The following GLDN variants were observed in gnomAD, a reference collection of about 807,000 sequenced individuals.
GLDN encodes gliomedin, also known as collomin.
A neutral mutation model predicts 56.5 loss-of-function variants in GLDN; 47 were observed. The ratio of observed to expected loss-of-function variants is 0.83; its 90% CI spans 0.66 to 1.06. The LOEUF is 1.06. Among genes scored for constraint, GLDN ranks in the 50% least tolerant of loss-of-function variants. GLDN has a pLI of 0.00. For missense variants in GLDN, 782 were observed against 714.3 expected, an observed-to-expected ratio of 1.09 and a Z score of -1.08; for synonymous variants, 332 against 278.8, an observed-to-expected ratio of 1.19 and a Z score of -1.90.
Position 51,397,470 on chromosome 15 carries a change from G to T in GLDN, c.689G>T (p.Gly230Val). 6.7e-7 allele frequency: 1 copy of T among 1,492,492 alleles called. No homozygotes were observed. The highest frequency in any genetic ancestry group is 9.0e-7 in the Non-Finnish European group (1 of 1,115,334). 92.5% of individuals were successfully genotyped at this position (1,492,492 alleles called of 1,614,324 possible). Residue 230 changes from glycine to valine, a missense_variant and splice_region_variant, in exon 6 of 10, where the codon GGT (glycine) becomes GTT (valine). Transcript: ENST00000335449. ...GDVSNDVLLA[G>V]AKGDQGPPGP... is the part of the protein sequence containing the mutation. ...TCCCTTTCTCTCTCTCTCTCTCCAGGTGCCAAAGGTGACCAAGGCCCACCC... is the reference window on the plus strand; with the variant it reads ...TCCCTTTCTCTCTCTCTCTCTCCAGTTGCCAAAGGTGACCAAGGCCCACCC...
At chr15:51,344,495 A>C (rs1010158911) in intron 1 of GLDN, among the ~76,000 whole-genome samples, 1 of 152,190 alleles carries the variant, frequency 6.6e-6, no homozygotes, top group Non-Finnish European at 1.5e-5. Context: ...TTTATAAAAA[A>C]CATCATTTGG....
In GLDN at chr15:51,401,729, T is replaced by C. The variant is rs1432581337; in HGVS notation, c.1164T>C (p.Ser388=). The C allele has an allele frequency of 6.2e-7, 1 of 1,613,848 alleles. No individual in the cohort carries two copies. The highest frequency in any genetic ancestry group is 2.2e-5 in the East Asian group (1 of 44,884). The stretch of plus-strand genomic sequence containing the variant: ...CTCTCTACTACCACAAAGGGGGTTC[T>C]AATACCCTAGTGAGGTAAGTCGCAC... ...NNSLYYHKGG[S]NTLVRFEFGQ... is the part of the protein sequence containing the mutation. The change falls in exon 9 of 10, where the codon TCT becomes TCC. Residue 388 remains serine (S), a synonymous_variant. Coordinates refer to ENST00000335449, the MANE Select transcript of GLDN (RefSeq NM_181789.4).
At chr15:51,367,127 C>G (rs1366969441) in intron 1 of GLDN, among the ~76,000 whole-genome samples, 2 of 152,148 alleles carry the variant, frequency 1.3e-5, no homozygotes, top group Non-Finnish European at 2.9e-5. Context: ...GAAGAACCTC[C>G]TAGGCCATCT....
intron 4 of GLDN, among the ~76,000 whole-genome samples, chr15:51,392,382 A>G (rs1437359863): frequency 6.6e-6 from 1 of 152,174 alleles, no homozygotes; most frequent in African/African-American, 2.4e-5. Context: ...TGCAAAGCCT[A>G]TTGAGAATCT....
At chr15:51,377,651 T>A (rs1488200645) in intron 2 of GLDN, 151 bp downstream of exon 2, 1 of 564,986 alleles carries the variant, frequency 1.8e-6, no homozygotes, top group African/African-American at 1.9e-5. Context: ...AAACCCATTG[T>A]AATATGATTA....
At chr15:51,342,390 G>A (rs771488341) in intron 1 of GLDN, among the ~76,000 whole-genome samples, 1 of 152,226 alleles carries the variant, frequency 6.6e-6, no homozygotes, top group Non-Finnish European at 1.5e-5. Context: ...TGGAGCCGCA[G>A]CAGCCTTGGG....
intron 1 of GLDN, among the ~76,000 whole-genome samples, chr15:51,358,150 G>C (rs2037222562): frequency 6.6e-6 from 1 of 152,156 alleles, no homozygotes; most frequent in South Asian, 2.1e-4. Flanking sequence ...TGAGACTTAT[G>C]GGCCGAAAAC....
intron 2 of GLDN, among the ~76,000 whole-genome samples, chr15:51,381,870 G>A (rs151332859): frequency 6.6e-6 from 1 of 151,060 alleles, no homozygotes; most frequent in Non-Finnish European, 1.5e-5. Flanking sequence ...ATCTACCAAC[G>A]ACAAAGAGGC....
chr15:51,353,672 G>A (rs1299837353), intron 1 of GLDN, among the ~76,000 whole-genome samples: 1 of 131,096 alleles, frequency 7.6e-6, no homozygotes, highest in Non-Finnish European at 1.6e-5. Flanking sequence ...CCAGGATATT[G>A]TTGCCAATGT....
intron 1 of GLDN, among the ~76,000 whole-genome samples, chr15:51,347,449 A>G (rs2036998004): frequency 6.6e-6 from 1 of 152,158 alleles, no homozygotes; most frequent in African/African-American, 2.4e-5. Context: ...CGTTATTGCT[A>G]GCATTAGTGT....
chr15:51,365,070 A>T (rs1170540409), intron 1 of GLDN, among the ~76,000 whole-genome samples: 1 of 152,250 alleles, frequency 6.6e-6, no homozygotes, highest in Admixed American at 6.5e-5. Flanking sequence ...TTGGAGAATC[A>T]GCAGCCTGGA....
intron 1 of GLDN, 100 bp downstream of exon 1, chr15:51,342,147 G>A (rs2036898606): frequency 1.4e-6 from 2 of 1,453,104 alleles, no homozygotes; most frequent in African/African-American, 1.5e-5. Context: ...GCCAGGCTGC[G>A]AGGTGCTGCG....
In GLDN at chr15:51,405,574, C is replaced by T. The variant is rs969105698; in HGVS notation, c.*820C>T. The T allele has an allele frequency of 6.6e-6, 1 of 152,102 alleles. No homozygotes were observed. Among genetic ancestry groups the T allele is most frequent in the Non-Finnish European group, 1.5e-5 (1 of 68,026 alleles). The allele number at this position is 152,102 out of a possible 1,614,324, so 9.4% of individuals were successfully genotyped here. On this transcript the variant is annotated 3_prime_UTR_variant, in exon 10 of 10. Coordinates refer to ENST00000335449, the MANE Select transcript of GLDN (RefSeq NM_181789.4). ...TTTCTTAATAAAACAGAATCATGAT[C>T]TTCCAGGTTCCCCCCAGTTTCTGAT...
rs1450003946 is a variant in GLDN at position 51,405,587 on chromosome 15, C to T, written c.*833C>T. ...CAGAATCATGATCTTCCAGGTTCCC[C>T]CCAGTTTCTGATCATGTTGATTTGT... On this transcript the variant is annotated 3_prime_UTR_variant, in exon 10 of 10. Transcript: ENST00000335449. The T allele has an allele frequency of 6.6e-6, 1 of 152,060 alleles. No homozygotes were observed. Among genetic ancestry groups the T allele is most frequent in the East Asian group, 1.9e-4 (1 of 5,178 alleles). The allele number at this position is 152,060 out of a possible 1,614,324, so 9.4% of individuals were successfully genotyped here. A position where few individuals can be genotyped will look rare whatever the true frequency, so the allele number is the denominator to read the frequency against.
rs200838713 is a variant in GLDN at position 51,377,485 on chromosome 15, G to T, written c.400G>T (p.Gly134Cys). 6.2e-7 allele frequency: 1 copy of T among 1,613,954 alleles called. No homozygotes were observed. Among genetic ancestry groups the T allele is most frequent in the Admixed American group, 1.7e-5 (1 of 60,010 alleles). ...VMVDLCNSTK[G>C]ICLTGPSGPP... ...GGTGGACCTGTGCAACAGCACCAAG[G>T]GCATCTGCCTCACAGGTAGGCTGGC... Residue 134 changes from glycine to cysteine, a missense_variant, in exon 2 of 10, where the codon GGC becomes TGC. Physicochemically the swap from Gly to Cys is radical, Grantham distance 159. Transcript: ENST00000335449.
At chr15:51,349,728 C>T (rs947164907) in intron 1 of GLDN, among the ~76,000 whole-genome samples, 2 of 150,690 alleles carry the variant, frequency 1.3e-5, no homozygotes, top group South Asian at 2.1e-4. Context: ...TTCCCTGGAA[C>T]GGCACTAGGG....
At chr15:51,372,377 T>C (rs953075395) in intron 1 of GLDN, among the ~76,000 whole-genome samples, 2 of 152,224 alleles carry the variant, frequency 1.3e-5, no homozygotes, top group African/African-American at 4.8e-5. Flanking sequence ...CAATGTAATA[T>C]GTCCCTGTCC....
chr15:51,348,665 GT>G (rs540444281), intron 1 of GLDN, among the ~76,000 whole-genome samples: 10 of 151,612 alleles, frequency 6.6e-5, no homozygotes. Context: ...TACAAAATCT[GT>G]TTTTTTTAAT....
chr15:51,383,695 G>A (rs1242145177), intron 3 of GLDN, 90 bp from the exon 4 acceptor site: 1 of 1,081,128 alleles, frequency 9.2e-7, no homozygotes, highest in Non-Finnish European at 1.3e-6. Flanking sequence ...TGCCTGCTCA[G>A]TTTCACTGGT....
Sources: gnomAD v4.1 joint callset for allele counts (sites outside exome capture counted in the v4.1 genomes callset) on GRCh38, gnomAD v4.1.1 for gene constraint, MANE v1.5 for transcripts, NCBI Gene and HGNC (gene_info 2026-07-23, HGNC 2026-07-21) for gene names.